Variants in FAM168B observed in about 807,000 individuals in gnomAD.
FAM168B encodes family with sequence similarity 168 member B.
Under a neutral mutation model 21.8 loss-of-function variants are expected in FAM168B, and 19 were observed. The observed-to-expected ratio is 0.87, with a 90% CI of 0.61 to 1.28. The LOEUF is 1.28. FAM168B is among the 50% of genes most tolerant of loss of function. The pLI is 0.00. For synonymous variants in FAM168B, 126 were observed against 104.8 expected (o/e 1.20, Z -1.24); for missense variants, 233 against 263.1 (o/e 0.89, Z 0.79).
At position 131,050,681 on chromosome 2, in the gene FAM168B, T is replaced by C; in HGVS notation, c.*1784A>G. On this transcript the variant is annotated 3_prime_UTR_variant, in exon 7 of 7. Transcript: ENST00000389915. Reference sequence around the variant, plus strand: ...AAAGAAAATTATAAGAAGTACTTACTATAAAAAATAAGGTTACCAAAGGCT... The same window carrying C: ...AAAGAAAATTATAAGAAGTACTTACCATAAAAAATAAGGTTACCAAAGGCT... 1.0e-6 allele frequency: 1 copy of C among 985,330 alleles called. No homozygotes were observed. The highest frequency in any genetic ancestry group is 1.2e-6 in the Non-Finnish European group (1 of 829,794). The allele number at this position is 985,330 out of a possible 1,614,324, so 61.0% of individuals were successfully genotyped here. A position where few individuals can be genotyped will look rare whatever the true frequency, so the allele number is the denominator to read the frequency against.
At chr2:131,083,839 TGG>T (rs1693542409) in intron 1 of FAM168B, among the ~76,000 whole-genome samples, 1 of 152,072 alleles carries the variant, frequency 6.6e-6, no homozygotes, top group Admixed American at 6.6e-5. Flanking sequence ...TGACTCTAGA[TGG>T]GAGTGGATTT....
chr2:131,085,170 G>A (rs1247190759), intron 1 of FAM168B, among the ~76,000 whole-genome samples: 1 of 152,092 alleles, frequency 6.6e-6, no homozygotes, highest in African/African-American at 2.4e-5. Context: ...CTAAAAAAAA[G>A]TCTATTTTTA....
intron 3 of FAM168B, among the ~76,000 whole-genome samples, chr2:131,066,795 A>C (rs781617973): frequency 3.3e-5 from 5 of 152,218 alleles, no homozygotes; most frequent in Non-Finnish European, 5.9e-5. Flanking sequence ...TATAATCCAC[A>C]TCTAGCTAAC....
At chr2:131,091,521 C>A (rs1694028683) in intron 1 of FAM168B, among the ~76,000 whole-genome samples, 1 of 150,466 alleles carries the variant, frequency 6.6e-6, no homozygotes, top group South Asian at 2.1e-4. Context: ...GTGGTGTGTG[C>A]CTGTAATCCC....
At chr2:131,064,769 C>G (rs886506957) in intron 3 of FAM168B, among the ~76,000 whole-genome samples, 3 of 152,104 alleles carry the variant, frequency 2.0e-5, no homozygotes, top group Middle Eastern at 3.2e-3. Context: ...AGTGACCCCC[C>G]CAGGGTCTGG....
In FAM168B at chr2:131,052,907, C is replaced by A; in HGVS notation, c.584G>T (p.Trp195Leu). The change falls in exon 6 of 7, where the codon TGG becomes TTG. Residue 195 changes from tryptophan to leucine, a missense_variant. Trp to Leu is a moderately conservative substitution (Grantham distance 61). Transcript: ENST00000389915. ...TPTYSYVPPQ[W>L] is the part of the protein sequence containing the mutation. ...GTCACTTACATTTGCAGGTGATCAC[C>A]ACTGAGGGGGCACATAGCTGTAAGT... 1 of 1,556,120 alleles carries A rather than the reference C, an allele frequency of 6.4e-7. No homozygotes were observed. Among genetic ancestry groups the A allele is most frequent in the South Asian group, 1.2e-5 (1 of 84,426 alleles).
intron 3 of FAM168B, among the ~76,000 whole-genome samples, chr2:131,059,479 T>C (rs75341050): frequency 0.011 from 1,713 of 152,198 alleles, 26 homozygotes; most frequent in African/African-American, 0.035. Flanking sequence ...CCGAATGGGA[T>C]CCCCACTGTA....
In FAM168B at chr2:131,048,272, C is replaced by T. The variant is rs752698008; in HGVS notation, c.*4193G>A. On this transcript the variant is annotated 3_prime_UTR_variant, in exon 7 of 7. Coordinates refer to ENST00000389915, the MANE Select transcript of FAM168B (RefSeq NM_001009993.4). Reference sequence around the variant, plus strand: ...GCCAGCACAGCAACCCTGCTAGGAGCACAAACGGCTGGCCTGAGATCTGGC... The same window carrying T: ...GCCAGCACAGCAACCCTGCTAGGAGTACAAACGGCTGGCCTGAGATCTGGC... The T allele has an allele frequency of 6.1e-6, 8 of 1,304,294 alleles. No individual in the cohort carries two copies. The highest frequency in any genetic ancestry group is 8.1e-6 in the Non-Finnish European group (8 of 988,940). 80.8% of individuals were successfully genotyped at this position (1,304,294 alleles called of 1,614,324 possible).
chr2:131,061,086 T>C (rs1692270427), intron 3 of FAM168B, among the ~76,000 whole-genome samples: 1 of 149,952 alleles, frequency 6.7e-6, no homozygotes, highest in African/African-American at 2.4e-5. Context: ...CTCCTGACCT[T>C]GTGATCCACC....
At chr2:131,055,738 C>G (rs1345285375) in intron 3 of FAM168B, 43 bp from the exon 4 acceptor site, 8 of 1,600,644 alleles carry the variant, frequency 5.0e-6, no homozygotes, top group Non-Finnish European at 6.8e-6. Context: ...CCAAGCCGGT[C>G]CAGGCGCAGG....
chr2:131,058,585 G>A lies in FAM168B; in HGVS notation c.155-2890C>T, dbSNP rs147719539. On this transcript the variant is annotated intron_variant, in intron 3 of 6. Transcript: ENST00000389915. ...CCCTGTATTTTGAAATTCGCTCACC[G>A]CTATGTTAACCGTAAATAGAAACAC... Among the ~76,000 whole-genome samples the A allele has an allele frequency of 4.1e-4, 62 of 152,238 alleles. 1 individual carries two copies. Among genetic ancestry groups the A allele is most frequent in the Admixed American group, 3.3e-3 (51 of 15,278 alleles).
At chr2:131,063,811 A>G (rs1437474875) in intron 3 of FAM168B, among the ~76,000 whole-genome samples, 3 of 152,194 alleles carry the variant, frequency 2.0e-5, no homozygotes, top group Non-Finnish European at 2.9e-5. Flanking sequence ...TAAAAATTTA[A>G]AACACTAAGT....
intron 3 of FAM168B, among the ~76,000 whole-genome samples, chr2:131,058,718 G>A (rs569024281): frequency 3.9e-5 from 6 of 152,286 alleles, no homozygotes; most frequent in African/African-American, 1.4e-4. Context: ...CAAGACAAGA[G>A]CAGTTACAGA....
chr2:131,087,923 C>G (rs1161092081), intron 1 of FAM168B, among the ~76,000 whole-genome samples: 1 of 152,156 alleles, frequency 6.6e-6, no homozygotes, highest in African/African-American at 2.4e-5. Context: ...TCCATAATGA[C>G]CTGACTTATA....
At position 131,051,226 on chromosome 2, in the gene FAM168B, C is replaced by G. The variant is rs1399012349; in HGVS notation, c.*1239G>C. ...CCCCATCTCTAAGCGTCCCCTCCAG[C>G]CGGCCTCAGCAGACAAGTCACCACC... On this transcript the variant is annotated 3_prime_UTR_variant, in exon 7 of 7. Coordinates refer to ENST00000389915, the MANE Select transcript of FAM168B (RefSeq NM_001009993.4). The G allele has an allele frequency of 1.0e-6, 1 of 985,248 alleles. No individual in the cohort carries two copies. The highest frequency in any genetic ancestry group is 1.1e-4 in the East Asian group (1 of 8,808). 61.0% of individuals were successfully genotyped at this position (985,248 alleles called of 1,614,324 possible). A position where few individuals can be genotyped will look rare whatever the true frequency, so the allele number is the denominator to read the frequency against.
Position 131,082,598 on chromosome 2 carries a change from C to T in FAM168B, c.49G>A (p.Ala17Thr). ...TTACCTGGATAACCAATTCCTTTGG[C>T]ATTTGCATAGGGAACCCCAGAAGAT... ...PGSSGVPYAN[A>T]KGIGYPAGFP... The change falls in exon 2 of 7, where the codon GCC becomes ACC. Residue 17 changes from alanine (A) to threonine (T), a missense_variant. Transcript: ENST00000389915. 3 of 1,608,842 alleles carry T rather than the reference C, an allele frequency of 1.9e-6. No homozygotes were observed. The highest frequency in any genetic ancestry group is 2.2e-5 in the South Asian group (2 of 89,752).
intron 2 of FAM168B, among the ~76,000 whole-genome samples, chr2:131,081,863 T>C (rs924123816): frequency 4.6e-5 from 7 of 152,228 alleles, no homozygotes; most frequent in African/African-American, 1.7e-4. Flanking sequence ...TATACATTTG[T>C]AAAATGTTTT....
rs1217085709 is a variant in FAM168B at position 131,048,207 on chromosome 2, T to C, written c.*4258A>G. On this transcript the variant is annotated 3_prime_UTR_variant, in exon 7 of 7. Transcript: ENST00000389915. ...AAACAAAAAGGAACCGTTTCTTCTT[T>C]AGTTACAATCCATGAGGCTCTCTAG... 3.9e-5 allele frequency: 49 copies of C among 1,264,676 alleles called. No homozygotes were observed. The highest frequency in any genetic ancestry group is 4.6e-5 in the Non-Finnish European group (44 of 965,824). The allele number at this position is 1,264,676 out of a possible 1,614,324, so 78.3% of individuals were successfully genotyped here. A position where few individuals can be genotyped will look rare whatever the true frequency, so the allele number is the denominator to read the frequency against.
chr2:131,083,974 G>C (rs1476243057), intron 1 of FAM168B, among the ~76,000 whole-genome samples: 1 of 151,988 alleles, frequency 6.6e-6, no homozygotes, highest in Non-Finnish European at 1.5e-5. Context: ...CATGATCTCA[G>C]CTCACTGCAA....
Sources: allele counts gnomAD v4.1 joint callset (sites outside exome capture counted in the v4.1 genomes callset), GRCh38; gene constraint gnomAD v4.1.1; transcripts MANE v1.5; gene names NCBI Gene and HGNC (gene_info 2026-07-23, HGNC 2026-07-21).